Variants in PPP3CA observed in about 807,000 individuals in gnomAD.
The protein encoded by PPP3CA is protein phosphatase 3 catalytic subunit alpha.
Under a neutral mutation model 66.5 loss-of-function variants are expected in PPP3CA, and 14 were observed. The ratio of observed to expected loss-of-function variants is 0.21; its 90% CI spans 0.14 to 0.33. The LOEUF (loss-of-function observed/expected upper bound fraction) is 0.33. Among genes scored for constraint, PPP3CA ranks in the 10% least tolerant of loss-of-function variants. The pLI, the probability that PPP3CA is intolerant of heterozygous loss-of-function variation, is 1.00. For missense variants in PPP3CA, 317 were observed against 639.5 expected, an observed-to-expected ratio of 0.50 and a Z score of 5.44; for synonymous variants, 232 against 226.2, an observed-to-expected ratio of 1.03 and a Z score of -0.23.
intron 1 of PPP3CA, among the ~76,000 whole-genome samples, chr4:101,238,901 T>C (rs536730144): frequency 1.3e-5 from 2 of 152,122 alleles, no homozygotes; most frequent in Non-Finnish European, 2.9e-5. Context: ...CTTTGATGAC[T>C]CATAATTATT....
intron 1 of PPP3CA, among the ~76,000 whole-genome samples, chr4:101,255,089 T>C (rs1033046571): frequency 6.7e-6 from 1 of 148,922 alleles, no homozygotes; most frequent in Non-Finnish European, 1.5e-5. Flanking sequence ...TGTAAAGTTA[T>C]ACAGGACAAA....
At chr4:101,036,903 C>G (rs1312866902) in intron 11 of PPP3CA, among the ~76,000 whole-genome samples, 2 of 152,146 alleles carry the variant, frequency 1.3e-5, no homozygotes, top group Admixed American at 6.5e-5. Context: ...GACTGGAACC[C>G]CTGTAGAATA....
intron 1 of PPP3CA, among the ~76,000 whole-genome samples, chr4:101,197,122 C>T (rs1204446714): frequency 1.3e-5 from 2 of 152,084 alleles, no homozygotes; most frequent in Non-Finnish European, 2.9e-5. Flanking sequence ...TTTCATGTGC[C>T]GTGTGCATTA....
At chr4:101,306,901 C>T (rs1728552664) in intron 1 of PPP3CA, among the ~76,000 whole-genome samples, 1 of 151,990 alleles carries the variant, frequency 6.6e-6, no homozygotes, top group Non-Finnish European at 1.5e-5. Context: ...ATAGGCAAGA[C>T]AAAAACAGTG....
At chr4:101,316,296 A>G (rs1728882240) in intron 1 of PPP3CA, among the ~76,000 whole-genome samples, 1 of 151,626 alleles carries the variant, frequency 6.6e-6, no homozygotes, top group South Asian at 2.1e-4. Flanking sequence ...TAATATAATC[A>G]AATTTTTCAA....
At chr4:101,296,537 A>C (rs1381117373) in intron 1 of PPP3CA, among the ~76,000 whole-genome samples, 1 of 152,130 alleles carries the variant, frequency 6.6e-6, no homozygotes, top group African/African-American at 2.4e-5. Context: ...CTTTAAGCTG[A>C]ACTTTTCAAA....
intron 2 of PPP3CA, among the ~76,000 whole-genome samples, chr4:101,111,428 G>A (rs1297259604): frequency 6.6e-6 from 1 of 152,088 alleles, no homozygotes; most frequent in Non-Finnish European, 1.5e-5. Flanking sequence ...GAGAGGTGAG[G>A]GTCAAACATT....
At chr4:101,224,525 T>C (rs1404355534) in intron 1 of PPP3CA, among the ~76,000 whole-genome samples, 3 of 151,756 alleles carry the variant, frequency 2.0e-5, no homozygotes, top group Non-Finnish European at 4.4e-5. Flanking sequence ...CATTTCAAAA[T>C]GTCATTGCTA....
At chr4:101,032,499 A>AT (rs553389390) in intron 11 of PPP3CA, 135 bp from the exon 12 acceptor site, 308 of 677,412 alleles carry the variant, frequency 4.5e-4, no homozygotes, top group Middle Eastern at 2.2e-3. Context: ...TTTTTTTAAA[A>AT]TTTTTTTTAA....
intron 5 of PPP3CA, among the ~76,000 whole-genome samples, chr4:101,096,824 A>G (rs1730216089): frequency 6.6e-6 from 1 of 152,184 alleles, no homozygotes; most frequent in South Asian, 2.1e-4. Context: ...TTCTCCACTG[A>G]ACACAATGGG....
intron 10 of PPP3CA, among the ~76,000 whole-genome samples, chr4:101,042,173 CTTTTTTTTTT>C (rs558866853): frequency 3.3e-5 from 3 of 91,164 alleles, no homozygotes; most frequent in South Asian, 3.6e-4. Context: ...AAGGTCTTTG[CTTTTTTTTTT>C]TTTTTTTTTT....
intron 1 of PPP3CA, among the ~76,000 whole-genome samples, chr4:101,245,320 T>C (rs1192712725): frequency 2.6e-5 from 4 of 152,162 alleles, no homozygotes; most frequent in Non-Finnish European, 4.4e-5. Context: ...ACCAACATAT[T>C]TGTAATCTCC....
At chr4:101,278,414 C>A (rs1159960289) in intron 1 of PPP3CA, among the ~76,000 whole-genome samples, 1 of 152,128 alleles carries the variant, frequency 6.6e-6, no homozygotes, top group Admixed American at 6.5e-5. Flanking sequence ...TGATCCCCTC[C>A]TCATCACTCC....
chr4:101,042,575 T>C (rs555881673), intron 10 of PPP3CA, among the ~76,000 whole-genome samples: 2 of 152,298 alleles, frequency 1.3e-5, no homozygotes, highest in East Asian at 3.9e-4. Flanking sequence ...TCACTGTAAG[T>C]TCCTTGAATT....
intron 1 of PPP3CA, among the ~76,000 whole-genome samples, chr4:101,275,819 G>A (rs1210614060): frequency 6.6e-6 from 1 of 150,744 alleles, no homozygotes; most frequent in African/African-American, 2.4e-5. Context: ...GTTTTGGGGT[G>A]GTGTGGTTTT....
intron 8 of PPP3CA, among the ~76,000 whole-genome samples, chr4:101,076,003 T>A (rs1288231780): frequency 6.6e-6 from 1 of 152,076 alleles, no homozygotes. Flanking sequence ...TATTGGTGAG[T>A]GGGTATAGTT....
At chr4:101,283,961 A>G (rs910722990) in intron 1 of PPP3CA, among the ~76,000 whole-genome samples, 4 of 152,224 alleles carry the variant, frequency 2.6e-5, no homozygotes, top group African/African-American at 9.6e-5. Flanking sequence ...AATTAAAACT[A>G]AATAAAATGT....
chr4:101,126,117 A>G (rs1722238248), intron 2 of PPP3CA, among the ~76,000 whole-genome samples: 1 of 152,258 alleles, frequency 6.6e-6, no homozygotes, highest in Non-Finnish European at 1.5e-5. Flanking sequence ...AAATTAACAC[A>G]TGTAATGAAC....
intron 1 of PPP3CA, among the ~76,000 whole-genome samples, chr4:101,247,902 C>T (rs1030446557): frequency 6.6e-6 from 1 of 151,762 alleles, no homozygotes; most frequent in Admixed American, 6.6e-5. Flanking sequence ...TATATATACA[C>T]ACACACACAC....
Sources: allele counts gnomAD v4.1 joint callset (sites outside exome capture counted in the v4.1 genomes callset), GRCh38; gene constraint gnomAD v4.1.1; transcripts MANE v1.5; gene names NCBI Gene and HGNC (gene_info 2026-07-23, HGNC 2026-07-21).